The following FN1 variants were observed in gnomAD, a reference collection of about 807,000 sequenced individuals.
FN1 encodes the protein fibronectin.
FN1 carries 106 observed loss-of-function variants against 297.3 expected under a neutral mutation model. The ratio of observed to expected loss-of-function variants is 0.36; its 90% CI spans 0.30 to 0.42. The LOEUF (loss-of-function observed/expected upper bound fraction) is 0.42, where lower values mean the gene tolerates loss of function less well. Among genes scored for constraint, FN1 ranks in the 10% least tolerant of loss-of-function variants. The pLI is 1.00. For synonymous variants in FN1, 1,149 were observed against 1,152.6 expected, an observed-to-expected ratio of 1.00 and a Z score of 0.06; for missense variants, 2,690 against 3,124.9, an observed-to-expected ratio of 0.86 and a Z score of 3.32.
chr2:215,401,235 A>AAAGG (rs2061037587), intron 20 of FN1, among the ~76,000 whole-genome samples: 1 of 58,042 alleles, frequency 1.7e-5, no homozygotes, highest in Admixed American at 1.6e-4. Flanking sequence ...AGAAAGAAAG[A>AAAGG]AAGAAAGAAA....
intron 23 of FN1, among the ~76,000 whole-genome samples, 168 bp downstream of exon 23, chr2:215,396,969 A>G (rs2060373947): frequency 6.6e-6 from 1 of 152,186 alleles, no homozygotes; most frequent in Admixed American, 6.5e-5. Flanking sequence ...GCATTAAAGC[A>G]TCCTGCAGGC....
At chr2:215,419,705 A>G (rs560919392) in intron 11 of FN1, among the ~76,000 whole-genome samples, 11 of 152,354 alleles carry the variant, frequency 7.2e-5, no homozygotes, top group African/African-American at 2.6e-4. Flanking sequence ...ATTTTTACCC[A>G]TATTAATATA....
intron 20 of FN1, among the ~76,000 whole-genome samples, chr2:215,401,259 A>AAAGAAAGAAAGAAAGAAAGGAAGG: frequency 1.2e-5 from 1 of 81,806 alleles, no homozygotes; most frequent in African/African-American, 4.8e-5. Flanking sequence ...AGGAAGAAAG[A>AAAGAAAGAAAGAAAGAAAGGAAGG]AAGGAAGGAA....
Position 215,393,138 on chromosome 2 carries a change from T to C in FN1, c.3862A>G (p.Thr1288Ala). The C allele has an allele frequency of 6.2e-7, 1 of 1,613,856 alleles. No individual in the cohort carries two copies. Among genetic ancestry groups the C allele is most frequent in the Non-Finnish European group, 8.5e-7 (1 of 1,179,964 alleles). The change falls in exon 25 of 46, where the codon ACC (threonine) becomes GCC (alanine). Residue 1288 changes from threonine (T) to alanine (A), a missense_variant. Thr to Ala is a moderately conservative substitution (Grantham distance 58). Coordinates refer to ENST00000354785, the MANE Select transcript of FN1 (RefSeq NM_212482.4). The part of the protein sequence containing the change: ...ITDSSIGLRW[T>A]PLNSSTIIGY... ...ATAATGGTGGAAGAGTTTAGCGGGG[T>C]CCACCTCAGGCCGATGCTTGAATCG...
At chr2:215,400,888 T>TG (rs2060930336) in intron 20 of FN1, among the ~76,000 whole-genome samples, 1 of 151,066 alleles carries the variant, frequency 6.6e-6, no homozygotes, top group African/African-American at 2.4e-5. Flanking sequence ...CTCAGCCTCC[T>TG]GGGTTCAAGT....
At chr2:215,362,318 C>T in intron 44 of FN1, 1 of 518,898 alleles carries the variant, frequency 1.9e-6, no homozygotes, top group Non-Finnish European at 3.5e-6. Context: ...CCTGAAATGT[C>T]TCTTCTCTTC....
chr2:215,368,044 G>GAAA lies in FN1; in HGVS notation c.6854-20_6854-18dup. On this transcript the variant is annotated splice_polypyrimidine_tract_variant and intron_variant, in intron 41 of 45. Coordinates refer to ENST00000354785, the MANE Select transcript of FN1 (RefSeq NM_212482.4). ...CTTCGTTGACTATGAAGAAAAGGAA[G>GAAA]AAAAAGCAAAAAGAGACATCTTATT... 6.2e-7 allele frequency: 1 copy of GAAA among 1,613,318 alleles called. No individual in the cohort carries two copies. The highest frequency in any genetic ancestry group is 8.5e-7 in the Non-Finnish European group (1 of 1,179,600).
chr2:215,424,460 C>T (rs1050643611), intron 7 of FN1, 135 bp from the exon 8 acceptor site: 17 of 708,322 alleles, frequency 2.4e-5, no homozygotes, highest in African/African-American at 7.1e-5. Flanking sequence ...ATGATCATCT[C>T]GTTAATTTCA....
chr2:215,397,600 A>C, intron 22 of FN1, 80 bp downstream of exon 22: 1 of 1,187,044 alleles, frequency 8.4e-7, no homozygotes. Flanking sequence ...TCATAAGTAA[A>C]AAGTGATATT....
intron 20 of FN1, among the ~76,000 whole-genome samples, chr2:215,400,796 T>C (rs967297587): frequency 2.0e-5 from 3 of 149,468 alleles, no homozygotes; most frequent in Admixed American, 6.7e-5. Flanking sequence ...AAAATTTTAC[T>C]TAAACAATTT....
chr2:215,416,134 C>G, intron 12 of FN1, among the ~76,000 whole-genome samples: 1 of 152,058 alleles, frequency 6.6e-6, no homozygotes, highest in East Asian at 1.9e-4. Flanking sequence ...CTTTCTGTAG[C>G]AGAAAAAATA....
At position 215,361,721 on chromosome 2, in the gene FN1, C is replaced by T. The variant is rs2053484152; in HGVS notation, c.7363-95G>A. 3 of 1,057,210 alleles carry T rather than the reference C, an allele frequency of 2.8e-6. No individual in the cohort carries two copies. The South Asian group carries it at 3.8e-5, about 13-fold the overall frequency. The allele number at this position is 1,057,210 out of a possible 1,614,324, so 65.5% of individuals were successfully genotyped here. Reference sequence around the variant, plus strand: ...GGGAGGTGGGGACTCATGACAGCTGCTTATAGATAGGATAATATTTCTTCC... The same window carrying T: ...GGGAGGTGGGGACTCATGACAGCTGTTTATAGATAGGATAATATTTCTTCC... On this transcript the variant is annotated intron_variant, in intron 45 of 45. Transcript: ENST00000354785.
At chr2:215,375,119 C>T (rs1162775843) in intron 38 of FN1, 95 bp downstream of exon 38, 2 of 1,256,920 alleles carry the variant, frequency 1.6e-6, no homozygotes. Context: ...TTCGCATTCT[C>T]ATGACACAGT....
chr2:215,385,516 C>A (rs1435388665), intron 28 of FN1, among the ~76,000 whole-genome samples: 1 of 149,900 alleles, frequency 6.7e-6, no homozygotes, highest in Non-Finnish European at 1.5e-5. Context: ...GAGCCAAGAT[C>A]CCACCATTGC....
At chr2:215,362,343 C>T (rs2053633859) in intron 44 of FN1, 2 of 469,304 alleles carry the variant, frequency 4.3e-6, no homozygotes, top group East Asian at 8.5e-5. Context: ...TCAAACCTTG[C>T]CCATCTGCTG....
At chr2:215,368,181 C>G (rs1282634954) in intron 41 of FN1, among the ~76,000 whole-genome samples, 154 bp from the exon 42 acceptor site, 1 of 152,216 alleles carries the variant, frequency 6.6e-6, no homozygotes, top group Non-Finnish European at 1.5e-5. Flanking sequence ...AAGGCATTAA[C>G]TGCTCTAAAA....
chr2:215,370,497 C>T, intron 40 of FN1, 65 bp from the exon 41 acceptor site: 1 of 1,321,816 alleles, frequency 7.6e-7, no homozygotes, highest in South Asian at 1.2e-5. Flanking sequence ...ACGGGCTCTC[C>T]TCTTACCAAT....
chr2:215,371,222 C>T (rs1025454304), intron 40 of FN1, among the ~76,000 whole-genome samples: 10 of 151,752 alleles, frequency 6.6e-5, no homozygotes, highest in South Asian at 4.2e-4. Context: ...GAGCCGAGAT[C>T]ACGCCACTGC....
At chr2:215,419,457 G>C in intron 11 of FN1, 72 bp from the exon 12 acceptor site, 4 of 1,266,086 alleles carry the variant, frequency 3.2e-6, no homozygotes, top group Non-Finnish European at 4.6e-6. Context: ...CAGGGTGCTA[G>C]AGCATACATT....
Sources: allele counts gnomAD v4.1 joint callset (sites outside exome capture counted in the v4.1 genomes callset), GRCh38; gene constraint gnomAD v4.1.1; transcripts MANE v1.5; gene names NCBI Gene and HGNC (gene_info 2026-07-23, HGNC 2026-07-21).